BMPR1A: variants seen among roughly 807,000 people sequenced by gnomAD.
BMPR1A encodes bone morphogenetic protein receptor type-1A.
In BMPR1A, 7 loss-of-function variants were observed where a neutral mutation model predicts 66.0. The observed-to-expected ratio is 0.11, with a 90% confidence interval of 0.06 to 0.20. The LOEUF (loss-of-function observed/expected upper bound fraction) is 0.20. BMPR1A is among the 10% of genes least tolerant of loss of function. The probability of loss-of-function intolerance (pLI) is 1.00; values close to 1 mark genes in which losing one functional copy is unlikely to be tolerated. For synonymous variants in BMPR1A, 200 were observed against 229.7 expected (o/e 0.87, Z 1.17); for missense variants, 408 against 669.1 (o/e 0.61, Z 4.31).
chr10:86,770,415 A>G (rs1841237229), intron 1 of BMPR1A, among the ~76,000 whole-genome samples: 1 of 152,100 alleles, frequency 6.6e-6, no homozygotes, highest in Non-Finnish European at 1.5e-5. Flanking sequence ...CTCAAAACCA[A>G]ACAAAACAAT....
In BMPR1A at chr10:86,927,396, T is replaced by G; in HGVS notation, c.*3677T>G. On this transcript the variant is annotated 3_prime_UTR_variant, in exon 13 of 13. Transcript: ENST00000372037. ...TGTAGTGTTTAAAAGTGGTCATATT[T>G]ATTACTGACTTTGAGTCAGGTGTTA... 5.1e-6 allele frequency: 1 copy of G among 195,304 alleles called. No homozygotes were observed. The allele number at this position is 195,304 out of a possible 1,614,324, so 12.1% of individuals were successfully genotyped here.
Position 86,838,104 on chromosome 10 carries a change from C to A in BMPR1A, c.-267-761C>A, listed in dbSNP as rs568331433. On this transcript the variant is annotated intron_variant, in intron 1 of 12. Transcript: ENST00000372037. The stretch of plus-strand genomic sequence containing the variant: ...AAAGATTGAATGATTTTTAAGATCG[C>A]AAAGTAAACAGCAGACATACCTTTA... 4.6e-5 allele frequency among the ~76,000 whole-genome samples: 7 copies of A among 152,194 alleles called. No individual in the cohort carries two copies. The South Asian group carries it at 1.5e-3, about 32-fold the overall frequency.
intron 2 of BMPR1A, chr10:86,856,268 C>T: frequency 1.9e-6 from 1 of 519,200 alleles, no homozygotes; most frequent in Non-Finnish European, 3.9e-6. Flanking sequence ...TTTCAAAGTA[C>T]TTGTCTGTTT....
intron 3 of BMPR1A, among the ~76,000 whole-genome samples, chr10:86,876,781 C>A (rs7908153): frequency 0.01 from 1,585 of 152,162 alleles, 24 homozygotes; most frequent in African/African-American, 0.036. Context: ...CCTGCCCCAA[C>A]CAAAAAATTT....
intron 2 of BMPR1A, among the ~76,000 whole-genome samples, chr10:86,874,428 T>C (rs552991222): frequency 5.9e-5 from 9 of 152,220 alleles, no homozygotes; most frequent in East Asian, 5.8e-4. Context: ...TTTTATGAGA[T>C]TGTGTCTCAC....
intron 7 of BMPR1A, among the ~76,000 whole-genome samples, chr10:86,910,724 T>C (rs1278307512): frequency 2.0e-5 from 3 of 152,358 alleles, no homozygotes; most frequent in Admixed American, 2.0e-4. Context: ...TTGGGCTATT[T>C]ATATGGAAAA....
At chr10:86,796,905 C>T (rs1026836311) in intron 1 of BMPR1A, among the ~76,000 whole-genome samples, 1 of 151,996 alleles carries the variant, frequency 6.6e-6, no homozygotes, top group Non-Finnish European at 1.5e-5. Flanking sequence ...CTGTTTTGTC[C>T]TGTTCATAAA....
chr10:86,882,793 C>T (rs1315275739), intron 3 of BMPR1A, among the ~76,000 whole-genome samples: 3 of 151,570 alleles, frequency 2.0e-5, no homozygotes, highest in African/African-American at 2.4e-5. Context: ...GGAGAAACCC[C>T]GTCTCTACTA....
chr10:86,914,888 C>T (rs1843542086), intron 8 of BMPR1A, among the ~76,000 whole-genome samples: 1 of 152,164 alleles, frequency 6.6e-6, no homozygotes, highest in Non-Finnish European at 1.5e-5. Flanking sequence ...AACTTGTCCA[C>T]ACCAGAGGCC....
chr10:86,805,092 A>G (rs1258386118), intron 1 of BMPR1A, among the ~76,000 whole-genome samples: 1 of 152,026 alleles, frequency 6.6e-6, no homozygotes, highest in African/African-American at 2.4e-5. Context: ...TTTTATAAGG[A>G]TGGTATAGTC....
At chr10:86,758,779 T>G (rs555764541) in intron 1 of BMPR1A, among the ~76,000 whole-genome samples, 6 of 152,378 alleles carry the variant, frequency 3.9e-5, no homozygotes, top group African/African-American at 1.4e-4. Context: ...TATCTGGATT[T>G]CACCTTCACA....
chr10:86,814,147 A>T (rs1175713898), intron 1 of BMPR1A, among the ~76,000 whole-genome samples: 1 of 152,122 alleles, frequency 6.6e-6, no homozygotes, highest in East Asian at 1.9e-4. Context: ...ATTTTCCAGT[A>T]TGCAATGTGT....
At chr10:86,853,490 G>A (rs1846290185) in intron 2 of BMPR1A, among the ~76,000 whole-genome samples, 2 of 152,074 alleles carry the variant, frequency 1.3e-5, no homozygotes, top group Non-Finnish European at 2.9e-5. Context: ...TAAACCAAAA[G>A]GCACAATGAC....
intron 1 of BMPR1A, among the ~76,000 whole-genome samples, chr10:86,816,072 G>A (rs1270467703): frequency 1.3e-5 from 2 of 152,174 alleles, no homozygotes; most frequent in Admixed American, 6.5e-5. Context: ...ATAAATTTCT[G>A]TTGTGCTAAG....
intron 3 of BMPR1A, among the ~76,000 whole-genome samples, chr10:86,878,544 G>A (rs780727380): frequency 6.6e-6 from 1 of 152,142 alleles, no homozygotes; most frequent in Non-Finnish European, 1.5e-5. Context: ...TTTAACATAG[G>A]TGGTAGATGT....
intron 5 of BMPR1A, among the ~76,000 whole-genome samples, chr10:86,897,413 G>C (rs1305132575): frequency 6.6e-6 from 1 of 152,166 alleles, no homozygotes; most frequent in African/African-American, 2.4e-5. Context: ...CGTGAGATGA[G>C]GCAGGTGTTG....
At chr10:86,913,744 T>C (rs990144844) in intron 8 of BMPR1A, among the ~76,000 whole-genome samples, 4 of 152,116 alleles carry the variant, frequency 2.6e-5, no homozygotes, top group African/African-American at 9.7e-5. Context: ...ACACTGAAAA[T>C]TATAAAACAT....
chr10:86,796,191 T>C (rs75314740), intron 1 of BMPR1A, among the ~76,000 whole-genome samples: 1 of 150,184 alleles, frequency 6.7e-6, no homozygotes, highest in Non-Finnish European at 1.5e-5. Context: ...GAATATATGC[T>C]TTTTTTTAAG....
At position 86,844,396 on chromosome 10, in the gene BMPR1A, T is replaced by C. The variant is rs138697797; in HGVS notation, c.-153+5417T>C. On this transcript the variant is annotated intron_variant, in intron 2 of 12. Coordinates refer to ENST00000372037, the MANE Select transcript of BMPR1A (RefSeq NM_004329.3). ...ACCATTACCAAAGGATGGTATCTTG[T>C]TTTAATAGAATTACCGCTTAAGGAA... 6.6e-5 allele frequency among the ~76,000 whole-genome samples: 10 copies of C among 152,352 alleles called. No homozygotes were observed. In the East Asian group the frequency reaches 1.9e-3, roughly 29 times the overall value.
Sources: gnomAD v4.1 joint callset for allele counts (sites outside exome capture counted in the v4.1 genomes callset) on GRCh38, gnomAD v4.1.1 for gene constraint, MANE v1.5 for transcripts, NCBI Gene and HGNC (gene_info 2026-07-23, HGNC 2026-07-21) for gene names.